The following SRBD1 variants were observed in gnomAD, a reference collection of about 807,000 sequenced individuals.
SRBD1 encodes S1 RNA-binding domain-containing protein 1.
In SRBD1, 88 loss-of-function variants were observed where a neutral mutation model predicts 115.3. The observed-to-expected ratio is 0.76, with a 90% CI of 0.64 to 0.91. The LOEUF is 0.91. SRBD1 is among the 40% of genes least tolerant of loss of function. The pLI is 0.00. For missense variants in SRBD1, 1,385 were observed against 1,177.4 expected (o/e 1.18, Z -2.58); for synonymous variants, 509 against 407.7 (o/e 1.25, Z -2.99).
chr2:45,504,184 A>T (rs549809790), intron 14 of SRBD1, among the ~76,000 whole-genome samples: 50 of 151,954 alleles, frequency 3.3e-4, no homozygotes, highest in African/African-American at 1.1e-3. Context: ...AGTCTTCACA[A>T]ATTACCCTAT....
chr2:45,532,245 G>T (rs1671636047), intron 14 of SRBD1, among the ~76,000 whole-genome samples: 1 of 151,730 alleles, frequency 6.6e-6, no homozygotes, highest in Admixed American at 6.6e-5. Flanking sequence ...CATGCAGCAA[G>T]CAATAGCTTG....
chr2:45,581,102 T>C (rs922550818), intron 6 of SRBD1, among the ~76,000 whole-genome samples: 6 of 152,158 alleles, frequency 3.9e-5, no homozygotes, highest in African/African-American at 1.2e-4. Context: ...TTACCAAATA[T>C]ATATATTTTT....
chr2:45,442,614 G>GAACCAAAT lies in SRBD1; in HGVS notation c.2050-22721_2050-22720insATTTGGTT, dbSNP rs1368087808. Among the ~76,000 whole-genome samples the GAACCAAAT allele has an allele frequency of 2.0e-5, 3 of 152,128 alleles. No individual in the cohort carries two copies. The East Asian group carries it at 5.8e-4, about 29-fold the overall frequency. On this transcript the variant is annotated intron_variant, in intron 16 of 20. Transcript: ENST00000263736. ...TCCTACGGTATAGGAACCAAATGTT[G>GAACCAAAT]GTCCTTAAAGAAACAGCTATATGAG...
In SRBD1 at chr2:45,601,971, G is replaced by C. The variant is rs772736270; in HGVS notation, c.193C>G (p.Pro65Ala). Residue 65 changes from proline (P) to alanine (A), a missense_variant, in exon 3 of 21, where the codon CCT becomes GCT. Coordinates refer to ENST00000263736, the MANE Select transcript of SRBD1 (RefSeq NM_018079.5). Reference sequence around the variant, plus strand: ...TGTGGGGCATTCTTCTTCACCCGAGGCATCCTCTTTGGTTTGGATTCCTTG... The same window carrying C: ...TGTGGGGCATTCTTCTTCACCCGAGCCATCCTCTTTGGTTTGGATTCCTTG... ...PPKESKPKRM[P>A]RVKKNAPQIS... The C allele has an allele frequency of 1.2e-6, 2 of 1,614,198 alleles. No individual in the cohort carries two copies. The highest frequency in any genetic ancestry group is 1.7e-5 in the Admixed American group (1 of 60,024).
intron 1 of SRBD1, among the ~76,000 whole-genome samples, chr2:45,607,995 C>A (rs1335685890): frequency 6.6e-6 from 1 of 152,206 alleles, no homozygotes; most frequent in Non-Finnish European, 1.5e-5. Context: ...AAACAACCCA[C>A]CCAGATCACC....
At chr2:45,560,503 G>A (rs1033422312) in intron 10 of SRBD1, among the ~76,000 whole-genome samples, 7 of 152,098 alleles carry the variant, frequency 4.6e-5, no homozygotes, top group African/African-American at 9.7e-5. Flanking sequence ...ATACAGTTAC[G>A]TAGATTATCA....
chr2:45,544,772 T>C (rs1572756770), intron 14 of SRBD1, among the ~76,000 whole-genome samples: 1 of 152,316 alleles, frequency 6.6e-6, no homozygotes, highest in South Asian at 2.1e-4. Flanking sequence ...TTTATATTTA[T>C]AATAAAAGTA....
intron 14 of SRBD1, among the ~76,000 whole-genome samples, chr2:45,516,564 T>C (rs1345770270): frequency 1.3e-5 from 2 of 152,204 alleles, no homozygotes; most frequent in African/African-American, 2.4e-5. Context: ...ATAATGATTG[T>C]TACCCCTTGA....
chr2:45,531,611 AT>A (rs1055041321), intron 14 of SRBD1, among the ~76,000 whole-genome samples: 4 of 151,706 alleles, frequency 2.6e-5, no homozygotes, highest in Non-Finnish European at 5.9e-5. Context: ...GCTTTTAAAT[AT>A]TTTTTTCTTA....
chr2:45,576,066 C>T (rs1184784314), intron 7 of SRBD1, among the ~76,000 whole-genome samples: 7 of 152,156 alleles, frequency 4.6e-5, no homozygotes, highest in Admixed American at 2.6e-4. Flanking sequence ...CTCGTCACCC[C>T]TTCCACCTCC....
intron 18 of SRBD1, among the ~76,000 whole-genome samples, chr2:45,416,051 A>G (rs1452804129): frequency 6.6e-6 from 1 of 152,142 alleles, no homozygotes; most frequent in Non-Finnish European, 1.5e-5. Flanking sequence ...AGAAACAGAA[A>G]ACTTATTAAC....
chr2:45,602,414 A>C (rs1055891442), intron 2 of SRBD1, among the ~76,000 whole-genome samples: 6 of 152,256 alleles, frequency 3.9e-5, no homozygotes, highest in Admixed American at 6.5e-5. Context: ...GTCAAACTAT[A>C]GTCAATGTGA....
chr2:45,488,775 T>C (rs1352838144), intron 14 of SRBD1, among the ~76,000 whole-genome samples: 2 of 152,152 alleles, frequency 1.3e-5, no homozygotes, highest in Non-Finnish European at 1.5e-5. Flanking sequence ...TATGTGTGGA[T>C]ATGTGCACAT....
chr2:45,474,175 C>CTT (rs1243194539), intron 16 of SRBD1, among the ~76,000 whole-genome samples: 3 of 152,166 alleles, frequency 2.0e-5, no homozygotes, highest in African/African-American at 7.2e-5. Context: ...CTCTATGAAT[C>CTT]TTACTTTTAC....
chr2:45,461,330 T>C (rs193103247), intron 16 of SRBD1, among the ~76,000 whole-genome samples: 1 of 152,314 alleles, frequency 6.6e-6, no homozygotes, highest in African/African-American at 2.4e-5. Flanking sequence ...TGTCTGTTAA[T>C]GGTTGGTACT....
intron 14 of SRBD1, among the ~76,000 whole-genome samples, chr2:45,489,065 T>A (rs796419977): frequency 9.2e-5 from 14 of 152,290 alleles, no homozygotes; most frequent in African/African-American, 3.4e-4. Flanking sequence ...CAACCCACAA[T>A]GAGAATACTG....
At chr2:45,409,929 T>C (rs563916082) in intron 19 of SRBD1, among the ~76,000 whole-genome samples, 1 of 152,132 alleles carries the variant, frequency 6.6e-6, no homozygotes, top group Non-Finnish European at 1.5e-5. Flanking sequence ...GACAGCAATA[T>C]GACATTTTTT....
intron 7 of SRBD1, among the ~76,000 whole-genome samples, chr2:45,576,528 A>G (rs1171112674): frequency 1.3e-5 from 2 of 152,234 alleles, no homozygotes; most frequent in Non-Finnish European, 2.9e-5. Context: ...AATGAAACTA[A>G]TAGTAATTCT....
chr2:45,537,996 G>A (rs1671817698), intron 14 of SRBD1, among the ~76,000 whole-genome samples: 1 of 152,198 alleles, frequency 6.6e-6, no homozygotes, highest in South Asian at 2.1e-4. Context: ...GAGCAGGCAA[G>A]GAGGTATGAG....
Sources: gnomAD v4.1 joint callset for allele counts (sites outside exome capture counted in the v4.1 genomes callset) on GRCh38, gnomAD v4.1.1 for gene constraint, MANE v1.5 for transcripts, NCBI Gene and HGNC (gene_info 2026-07-23, HGNC 2026-07-21) for gene names.